ZBED6: variants seen among roughly 807,000 people sequenced by gnomAD.
ZBED6 encodes zinc finger BED-type containing 6, also known as zinc finger BED domain-containing protein 6.
In ZBED6, 40 loss-of-function variants were observed where a neutral mutation model predicts 58.4. The observed-to-expected ratio is 0.68, with a 90% CI of 0.53 to 0.89. ZBED6 has a LOEUF of 0.89. ZBED6 is among the 40% of genes least tolerant of loss of function. The probability of loss-of-function intolerance (pLI) is 0.00; values close to 1 mark genes in which losing one functional copy is unlikely to be tolerated. For synonymous variants in ZBED6, 439 were observed against 350.6 expected (o/e 1.25, Z -2.82); for missense variants, 1,057 against 1,003.9 (o/e 1.05, Z -0.71).
chr1:203,847,425 T>C (rs750987900), exon 12 of ZBED6: 4 of 1,613,718 alleles, frequency 2.5e-6, no homozygotes, highest in Admixed American at 3.3e-5. Context: ...GCAAAAAGGA[T>C]ACAACTTGCA....
intron 10 of ZBED6, among the ~76,000 whole-genome samples, chr1:203,838,954 C>CAAAAAAAAAAAAA (rs59033094): frequency 3.1e-5 from 3 of 97,944 alleles, no homozygotes; most frequent in African/African-American, 8.6e-5. Flanking sequence ...GACTTCATCT[C>CAAAAAAAAAAAAA]AAAAAAAAAA....
chr1:203,837,714 G>C (rs533017236), intron 9 of ZBED6, among the ~76,000 whole-genome samples: 2 of 152,228 alleles, frequency 1.3e-5, no homozygotes, highest in South Asian at 4.1e-4. Flanking sequence ...CTGGCCTTAA[G>C]TGATCCTCCT....
chr1:203,849,785 C>T (rs1214997309), exon 14 of ZBED6: 27 of 1,613,780 alleles, frequency 1.7e-5, no homozygotes, highest in Non-Finnish European at 2.3e-5. Context: ...GAGAGAAGCA[C>T]ATGCAGAAAC....
rs763389396 is a variant in ZBED6 at position 203,818,619 on chromosome 1, C to T, written c.*2803C>T. On this transcript the variant is annotated 3_prime_UTR_variant, in exon 3 of 17. Coordinates refer to ENST00000550078, the Ensembl canonical transcript of ZBED6. ...TGTGAAGCTGCAATAGGAAATGAAA[C>T]TGTTTGCACATTATGGCAAGAAGGG... is the stretch of plus-strand genomic sequence containing the variant. 3.7e-6 allele frequency: 6 copies of T among 1,614,114 alleles called. No homozygotes were observed. In the East Asian group the frequency reaches 1.3e-4, roughly 36 times the overall value.
chr1:203,836,784 G>C (rs1171605905), intron 9 of ZBED6, among the ~76,000 whole-genome samples: 1 of 151,808 alleles, frequency 6.6e-6, no homozygotes, highest in Non-Finnish European at 1.5e-5. Context: ...TCAGAAAGCA[G>C]CTAGAATTAG....
chr1:203,840,442 A>G (rs771507361), intron 11 of ZBED6, 68 bp downstream of exon 11: 6 of 1,480,890 alleles, frequency 4.1e-6, no homozygotes, highest in South Asian at 1.2e-5. Flanking sequence ...GCTTTTTCTC[A>G]GATTTACCTG....
Position 203,811,820 on chromosome 1 carries a change from T to G in ZBED6, c.*2555-5106T>G, listed in dbSNP as rs571785969. Among the ~76,000 whole-genome samples, 333 of 152,036 alleles carry G rather than the reference T, an allele frequency of 2.2e-3. 2 individuals are homozygous for G. Among genetic ancestry groups the G allele is most frequent in the African/African-American group, 7.7e-3 (319 of 41,516 alleles). On this transcript the variant is annotated intron_variant, in intron 1 of 16. Coordinates refer to ENST00000550078, the Ensembl canonical transcript of ZBED6. ...AAAGTATTCAGATAGCTTTGTCTTTTTCTTTTTTTTTTTTTTTAGACAGGT... is the reference window on the plus strand; with the variant it reads ...AAAGTATTCAGATAGCTTTGTCTTTGTCTTTTTTTTTTTTTTTAGACAGGT...
At chr1:203,803,412 A>C (rs1211680159) in intron 1 of ZBED6, among the ~76,000 whole-genome samples, 1 of 152,124 alleles carries the variant, frequency 6.6e-6, no homozygotes, top group African/African-American at 2.4e-5. Context: ...GCTGGTCTGG[A>C]ATTCCTGACC....
chr1:203,800,453 A>T, exon 1 of ZBED6: 1 of 1,485,308 alleles, frequency 6.7e-7, no homozygotes. Flanking sequence ...AAAAAGAAAT[A>T]CTGCCTTAAT....
intron 1 of ZBED6, among the ~76,000 whole-genome samples, chr1:203,804,656 T>C (rs1671644334): frequency 6.6e-6 from 1 of 151,234 alleles, no homozygotes; most frequent in African/African-American, 2.4e-5. Flanking sequence ...TTCTGGATTT[T>C]TTTCTTTTTT....
chr1:203,828,260 C>T, intron 3 of ZBED6, 39 bp from the exon 4 acceptor site: 11 of 1,612,554 alleles, frequency 6.8e-6, no homozygotes, highest in Non-Finnish European at 9.3e-6. Context: ...ATACGTATCA[C>T]TGTTTTATTT....
chr1:203,831,289 C>T (rs935768901), intron 7 of ZBED6, among the ~76,000 whole-genome samples: 1 of 151,924 alleles, frequency 6.6e-6, no homozygotes, highest in Non-Finnish European at 1.5e-5. Flanking sequence ...TTATAGCAAC[C>T]TTGGAGTTGT....
intron 1 of ZBED6, chr1:203,805,952 C>G: frequency 3.2e-6 from 2 of 625,786 alleles, no homozygotes; most frequent in Non-Finnish European, 6.1e-6. Context: ...TTCATAGCAT[C>G]AACCGTGGTC....
chr1:203,797,993 C>G, exon 1 of ZBED6: 1 of 1,533,650 alleles, frequency 6.5e-7, no homozygotes, highest in Non-Finnish European at 8.7e-7. Flanking sequence ...GTGAGAAAAG[C>G]GTCAGCAGGG....
At chr1:203,815,158 C>T (rs1675829795) in intron 1 of ZBED6, among the ~76,000 whole-genome samples, 1 of 149,924 alleles carries the variant, frequency 6.7e-6, no homozygotes, top group African/African-American at 2.5e-5. Context: ...AAATAGTCTC[C>T]AGTTTTTGAA....
At chr1:203,844,290 TA>T (rs2103338679) in intron 11 of ZBED6, among the ~76,000 whole-genome samples, 1 of 152,240 alleles carries the variant, frequency 6.6e-6, no homozygotes, top group East Asian at 1.9e-4. Context: ...GCCTCCCGAG[TA>T]AATGGGATTA....
intron 11 of ZBED6, among the ~76,000 whole-genome samples, chr1:203,846,274 C>T (rs1687892309): frequency 6.6e-6 from 1 of 151,606 alleles, no homozygotes; most frequent in Non-Finnish European, 1.5e-5. Flanking sequence ...TTTTCTTAGC[C>T]CTTCAGTAAT....
chr1:203,812,521 C>A (rs181294357), intron 1 of ZBED6, among the ~76,000 whole-genome samples: 1 of 150,256 alleles, frequency 6.7e-6, no homozygotes, highest in East Asian at 1.9e-4. Flanking sequence ...TGTCTTGTTG[C>A]TTCCCATCCT....
At chr1:203,828,154 C>G (rs1486555222) in intron 3 of ZBED6, 145 bp from the exon 4 acceptor site, 1 of 889,220 alleles carries the variant, frequency 1.1e-6, no homozygotes, top group African/African-American at 1.7e-5. Context: ...TTATTTTCAG[C>G]AATCTCTCTT....
Sources: gnomAD v4.1 joint callset for allele counts (sites outside exome capture counted in the v4.1 genomes callset) on GRCh38, gnomAD v4.1.1 for gene constraint, MANE v1.5 for transcripts, NCBI Gene and HGNC (gene_info 2026-07-23, HGNC 2026-07-21) for gene names.